Variants in CDH13 observed in about 807,000 individuals in gnomAD.
CDH13 encodes cadherin 13.
Under a neutral mutation model 63.8 loss-of-function variants are expected in CDH13, and 24 were observed. The observed-to-expected ratio is 0.38, with a 90% CI of 0.27 to 0.53. CDH13 has a LOEUF of 0.53. Among genes scored for constraint, CDH13 ranks in the 20% least tolerant of loss-of-function variants. The pLI is 0.85. For synonymous variants in CDH13, 503 were observed against 355.3 expected, an observed-to-expected ratio of 1.42 and a Z score of -4.67; for missense variants, 1,049 against 903.1, an observed-to-expected ratio of 1.16 and a Z score of -2.07.
intron 11 of CDH13, among the ~76,000 whole-genome samples, chr16:83,753,356 C>A (rs1269310047): frequency 6.6e-6 from 1 of 152,074 alleles, no homozygotes; most frequent in African/African-American, 2.4e-5. Context: ...CCATCCTGGG[C>A]AACATGGCAA....
chr16:83,467,226 C>T (rs1008903598), intron 6 of CDH13, among the ~76,000 whole-genome samples: 1 of 152,192 alleles, frequency 6.6e-6, no homozygotes, highest in African/African-American at 2.4e-5. Context: ...AAAACAAATA[C>T]ACCGTGCACA....
chr16:82,654,976 G>T (rs887270245), intron 1 of CDH13, among the ~76,000 whole-genome samples: 42 of 152,294 alleles, frequency 2.8e-4, no homozygotes, highest in African/African-American at 1.0e-3. Context: ...TGTGGAGCTG[G>T]TGGTCCCAGA....
At chr16:83,309,091 C>G (rs1040606649) in intron 5 of CDH13, among the ~76,000 whole-genome samples, 1 of 152,124 alleles carries the variant, frequency 6.6e-6, no homozygotes, top group Non-Finnish European at 1.5e-5. Flanking sequence ...CCCTCCATAT[C>G]GTAACTCTGT....
At chr16:82,793,273 T>C (rs534646577) in intron 1 of CDH13, among the ~76,000 whole-genome samples, 1 of 152,036 alleles carries the variant, frequency 6.6e-6, no homozygotes, top group African/African-American at 2.4e-5. Flanking sequence ...GTGCAGACAT[T>C]GTGGATCTGA....
intron 7 of CDH13, among the ~76,000 whole-genome samples, chr16:83,534,382 A>G (rs980347488): frequency 1.3e-5 from 2 of 152,188 alleles, no homozygotes; most frequent in African/African-American, 2.4e-5. Context: ...CAAAGGGAAA[A>G]TGCTGGCAGT....
intron 2 of CDH13, among the ~76,000 whole-genome samples, chr16:82,915,897 G>A (rs2041973128): frequency 6.6e-6 from 1 of 150,572 alleles, no homozygotes; most frequent in African/African-American, 2.4e-5. Flanking sequence ...TGGAATCCTG[G>A]CTAACTACAG....
chr16:83,235,318 T>C (rs1339338925), intron 5 of CDH13, among the ~76,000 whole-genome samples: 1 of 152,146 alleles, frequency 6.6e-6, no homozygotes, highest in Non-Finnish European at 1.5e-5. Context: ...GTGCCAATAG[T>C]GTCACTGCGG....
chr16:83,526,226 G>T (rs7197175), intron 7 of CDH13, among the ~76,000 whole-genome samples: 34,159 of 151,998 alleles, frequency 0.22, 3,876 homozygotes, highest in Middle Eastern at 0.27. Flanking sequence ...GGGCGGTGGT[G>T]GTTATTGTTT....
chr16:83,496,892 C>G (rs917141002), intron 7 of CDH13, among the ~76,000 whole-genome samples: 1 of 152,014 alleles, frequency 6.6e-6, no homozygotes, highest in Non-Finnish European at 1.5e-5. Context: ...TTTATGCAGC[C>G]AAAAAACACA....
chr16:82,706,418 G>A (rs1176060250), intron 1 of CDH13, among the ~76,000 whole-genome samples: 2 of 152,196 alleles, frequency 1.3e-5, no homozygotes, highest in East Asian at 3.9e-4. Context: ...GACAGACTCA[G>A]CAGCCGTTTC....
chr16:83,456,745 T>C, intron 6 of CDH13, among the ~76,000 whole-genome samples: 1 of 152,150 alleles, frequency 6.6e-6, no homozygotes, highest in East Asian at 1.9e-4. Context: ...GCAGATCACC[T>C]GAGGTCAGGA....
chr16:83,302,789 G>A (rs2089779764), intron 5 of CDH13, among the ~76,000 whole-genome samples: 1 of 152,188 alleles, frequency 6.6e-6, no homozygotes, highest in South Asian at 2.1e-4. Context: ...CAATAAGAGT[G>A]GGAATGTCAG....
At chr16:83,498,925 A>G (rs554688696) in intron 7 of CDH13, among the ~76,000 whole-genome samples, 1 of 152,170 alleles carries the variant, frequency 6.6e-6, no homozygotes, top group Admixed American at 6.5e-5. Flanking sequence ...GGCTATGGAG[A>G]ACAGACTCTC....
intron 2 of CDH13, among the ~76,000 whole-genome samples, chr16:82,862,793 A>G (rs11647182): frequency 0.34 from 52,450 of 152,094 alleles, 9,985 homozygotes; most frequent in East Asian, 0.78. Flanking sequence ...CACTCAGATC[A>G]TGCAGATGCA....
chr16:82,927,078 G>T (rs907832491), intron 2 of CDH13, among the ~76,000 whole-genome samples: 7 of 152,082 alleles, frequency 4.6e-5, no homozygotes, highest in Admixed American at 3.9e-4. Context: ...TGTGCTTGGT[G>T]GTTGATTCTG....
At chr16:83,772,019 A>G (rs1260502741) in intron 11 of CDH13, among the ~76,000 whole-genome samples, 3 of 152,224 alleles carry the variant, frequency 2.0e-5, no homozygotes, top group African/African-American at 7.2e-5. Flanking sequence ...TATTTTCCCC[A>G]TGATATCACC....
intron 5 of CDH13, among the ~76,000 whole-genome samples, chr16:83,338,771 G>A (rs1289076532): frequency 6.6e-6 from 1 of 152,214 alleles, no homozygotes. Flanking sequence ...AGGATGTGAT[G>A]AGTTGGAAGA....
chr16:83,418,374 G>T (rs1477162357), intron 6 of CDH13, among the ~76,000 whole-genome samples: 3 of 152,054 alleles, frequency 2.0e-5, no homozygotes, highest in Non-Finnish European at 2.9e-5. Flanking sequence ...AATACCCATA[G>T]GAAGCATGAG....
rs150510149 is a variant in CDH13, at chr16:82,686,873, A to C, written c.45+59736A>C. Reference sequence around the variant, plus strand: ...ACACAGGGAACACGACTTCTTACTCAAGCTACAACAGGAGAATTCTTCCTT... The same window carrying C: ...ACACAGGGAACACGACTTCTTACTCCAGCTACAACAGGAGAATTCTTCCTT... On this transcript the variant is annotated intron_variant, in intron 1 of 13. Transcript: ENST00000567109. 1.9e-3 allele frequency among the ~76,000 whole-genome samples: 287 copies of C among 152,326 alleles called. 1 individual carries two copies. The highest frequency in any genetic ancestry group is 6.7e-3 in the African/African-American group (279 of 41,566).
Sources: allele counts gnomAD v4.1 joint callset (sites outside exome capture counted in the v4.1 genomes callset), GRCh38; gene constraint gnomAD v4.1.1; transcripts MANE v1.5; gene names NCBI Gene and HGNC (gene_info 2026-07-23, HGNC 2026-07-21).